TRAM1: variants seen among roughly 807,000 people sequenced by gnomAD.
The protein encoded by TRAM1 is translocation associated membrane protein 1.
Under a neutral mutation model 48.7 loss-of-function variants are expected in TRAM1, and 17 were observed. The observed-to-expected ratio is 0.35, with a 90% CI of 0.24 to 0.52. The LOEUF (loss-of-function observed/expected upper bound fraction) is 0.52, where lower values mean the gene tolerates loss of function less well. TRAM1 is among the 20% of genes least tolerant of loss of function. TRAM1 has a pLI of 0.94. For missense variants in TRAM1, 351 were observed against 441.5 expected (o/e 0.79, Z 1.84); for synonymous variants, 182 against 154.0 (o/e 1.18, Z -1.34).
intron 1 of TRAM1, among the ~76,000 whole-genome samples, chr8:70,604,565 G>A (rs1468954610): frequency 6.6e-6 from 1 of 151,836 alleles, no homozygotes; most frequent in Admixed American, 6.6e-5. Flanking sequence ...GATGATTGGG[G>A]TTTCACGCTT....
chr8:70,581,214 C>T lies in TRAM1; in HGVS notation c.1051+1950G>A, dbSNP rs558271004. Among the ~76,000 whole-genome samples the T allele has an allele frequency of 6.8e-4, 103 of 152,194 alleles. 1 individual carries two copies. The highest frequency in any genetic ancestry group is 1.1e-3 in the Non-Finnish European group (77 of 68,006). On this transcript the variant is annotated intron_variant, in intron 10 of 10. Transcript: ENST00000262213. ...TAGCCTGGGCAACATAGCAAGATCCCGTCACTTAAATAAAAACTCATATGG... is the reference window on the plus strand; with the variant it reads ...TAGCCTGGGCAACATAGCAAGATCCTGTCACTTAAATAAAAACTCATATGG...
intron 1 of TRAM1, among the ~76,000 whole-genome samples, chr8:70,603,733 AAAC>A (rs1817660322): frequency 6.6e-6 from 1 of 152,202 alleles, no homozygotes; most frequent in African/African-American, 2.4e-5. Context: ...AGTCCTTTAC[AAAC>A]AACAAATGAG....
At position 70,608,375 on chromosome 8, in the gene TRAM1, A is replaced by AG; in HGVS notation, c.-177_-176insC. On this transcript the variant is annotated 5_prime_UTR_variant, in exon 1 of 11. Coordinates refer to ENST00000262213, the MANE Select transcript of TRAM1 (RefSeq NM_014294.6). ...CGCAGCCGCCGGGCCGCCCGGGGGA[A>AG]AAAAAAAAACACAACAGCTAGCCCG... 1 of 642,410 alleles carries AG rather than the reference A, an allele frequency of 1.6e-6. No homozygotes were observed. Among genetic ancestry groups the AG allele is most frequent in the Non-Finnish European group, 2.4e-6 (1 of 424,522 alleles). The allele number at this position is 642,410 out of a possible 1,614,324, so 39.8% of individuals were successfully genotyped here. A position where few individuals can be genotyped will look rare whatever the true frequency, so the allele number is the denominator to read the frequency against.
chr8:70,597,858 A>G (rs268626), intron 4 of TRAM1, 37 bp downstream of exon 4: 1,302,163 of 1,428,556 alleles, frequency 0.91, 597,185 homozygotes, highest in Middle Eastern at 0.95. Flanking sequence ...AATCTTAGAT[A>G]AGGAAGGAGA....
chr8:70,599,761 G>C (rs1817565049), intron 2 of TRAM1, among the ~76,000 whole-genome samples: 1 of 152,148 alleles, frequency 6.6e-6, no homozygotes, highest in Non-Finnish European at 1.5e-5. Flanking sequence ...TCAGAAAGCA[G>C]AGAAAGCAAA....
chr8:70,583,249 C>G lies in TRAM1; in HGVS notation c.966G>C (p.Arg322Ser). 1 of 1,614,010 alleles carries G rather than the reference C, an allele frequency of 6.2e-7. No individual in the cohort carries two copies. The highest frequency in any genetic ancestry group is 8.5e-7 in the Non-Finnish European group (1 of 1,180,000). The part of the protein sequence containing the change: ...MWKFINFQLR[R>S]WREHSAFQAP... ...CCTGAAAAGCAGAATGTTCCCTCCA[C>G]CTTCGAAGCTGAAAATTAATGAACT... Residue 322 changes from arginine (R) to serine (S), a missense_variant, in exon 10 of 11, where the codon AGG (arginine) becomes AGC (serine). By Grantham distance (110) the Arg-to-Ser change is moderately radical. Transcript: ENST00000262213.
At chr8:70,575,679 T>A (rs1357232287) in intron 10 of TRAM1, among the ~76,000 whole-genome samples, 2 of 152,130 alleles carry the variant, frequency 1.3e-5, no homozygotes, top group African/African-American at 4.8e-5. Context: ...CAGAAATGGA[T>A]GTTTGAGGCG....
Position 70,608,064 on chromosome 8 carries a change from G to T in TRAM1, c.123+13C>A. ...GTGGCGGGGCAGGCGGTTGGGACTC[G>T]GGGCGGGCTCACCTCAAACATGAGC... On this transcript the variant is annotated intron_variant, in intron 1 of 10. Transcript: ENST00000262213. The T allele has an allele frequency of 1.9e-6, 3 of 1,583,410 alleles. No individual in the cohort carries two copies. Among genetic ancestry groups the T allele is most frequent in the Non-Finnish European group, 2.6e-6 (3 of 1,166,004 alleles).
At chr8:70,607,423 A>G (rs1817763463) in intron 1 of TRAM1, 1 of 985,388 alleles carries the variant, frequency 1.0e-6, no homozygotes, top group Admixed American at 6.1e-5. Context: ...TCAGTTTAAA[A>G]GACAAAAATG....
In TRAM1 at chr8:70,592,314, TTGTC is replaced by T. The variant is rs535242493; in HGVS notation, c.570+2188_570+2191del. Among the ~76,000 whole-genome samples, 604 of 152,318 alleles carry T rather than the reference TTGTC, an allele frequency of 4.0e-3. 4 individuals carry two copies. Among genetic ancestry groups the T allele is most frequent in the African/African-American group, 0.014 (577 of 41,582 alleles). ...CTAACAGCGTTCCTTTCTTTCCTAT[TTGTC>T]TGTATGATTGGTTCAAAACAATCAC... is the stretch of plus-strand genomic sequence containing the variant. On this transcript the variant is annotated intron_variant, in intron 6 of 10. Transcript: ENST00000262213.
rs1816880966 is a variant in TRAM1 at position 70,573,955 on chromosome 8, TTG to T, written c.*975_*976del. On this transcript the variant is annotated 3_prime_UTR_variant, in exon 11 of 11. Transcript: ENST00000262213. ...AGCTATAGGTATAACATAAAGCACA[TTG>T]TCTTTTGTAAGACTATTTATCCACC... 5.2e-6 allele frequency: 1 copy of T among 190,600 alleles called. No homozygotes were observed. The highest frequency in any genetic ancestry group is 1.1e-5 in the Non-Finnish European group (1 of 92,274). The allele number at this position is 190,600 out of a possible 1,614,324, so 11.8% of individuals were successfully genotyped here.
chr8:70,583,661 C>T lies in TRAM1; in HGVS notation c.879G>A (p.Val293=). 4 of 1,611,814 alleles carry T rather than the reference C, an allele frequency of 2.5e-6. No individual in the cohort carries two copies. The highest frequency in any genetic ancestry group is 3.4e-6 in the Non-Finnish European group (4 of 1,179,456). ...KLDFSTGNFN[V]LAVRIAVLAS... is the part of the protein sequence containing the mutation. ...TAAATTGATCGTACCTAACAGCTAACACATTGAAGTTTCCAGTACTGAAAT... is the reference window on the plus strand; with the variant it reads ...TAAATTGATCGTACCTAACAGCTAATACATTGAAGTTTCCAGTACTGAAAT... Residue 293 remains valine (V), a synonymous_variant, in exon 9 of 11, where the codon GTG becomes GTA. Transcript: ENST00000262213.
chr8:70,598,245 A>T lies in TRAM1; in HGVS notation c.198T>A (p.Ala66=). 6.2e-7 allele frequency: 1 copy of T among 1,607,882 alleles called. No homozygotes were observed. Among genetic ancestry groups the T allele is most frequent in the Admixed American group, 1.7e-5 (1 of 58,956 alleles). The part of the protein sequence containing the change: ...NVTLPATEEQ[A]TESVSLYYYG... ...AGTAATAAAGGGACACTGATTCAGT[A>T]GCTTGTTCTTCTGAAGACCAAAAAG... The change falls in exon 3 of 11, where the codon GCT becomes GCA. Residue 66 remains alanine, a synonymous_variant. Transcript: ENST00000262213.
intron 10 of TRAM1, among the ~76,000 whole-genome samples, chr8:70,575,408 CTTTT>C (rs904359303): frequency 6.6e-6 from 1 of 152,012 alleles, no homozygotes; most frequent in Non-Finnish European, 1.5e-5. Context: ...TTATGGCCTT[CTTTT>C]TATTTATTTA....
At position 70,608,113 on chromosome 8, in the gene TRAM1, A is replaced by C. The variant is rs1817791972; in HGVS notation, c.87T>G (p.Cys29Trp). ...VLQNHADIVS[C>W]VAMVFLLGLM... is the part of the protein sequence containing the mutation. Reference sequence around the variant, plus strand: ...GCCCCAGCAGGAAGACCATCGCCACACAGGAGACGATGTCCGCGTGATTCT... The same window carrying C: ...GCCCCAGCAGGAAGACCATCGCCACCCAGGAGACGATGTCCGCGTGATTCT... The change falls in exon 1 of 11, where the codon TGT (cysteine) becomes TGG (tryptophan). Residue 29 changes from cysteine (C) to tryptophan (W), a missense_variant. Cys to Trp is a radical substitution (Grantham distance 215). Transcript: ENST00000262213. 6.3e-7 allele frequency: 1 copy of C among 1,599,590 alleles called. No individual in the cohort carries two copies. The highest frequency in any genetic ancestry group is 8.5e-7 in the Non-Finnish European group (1 of 1,174,038).
In TRAM1 at chr8:70,607,544, G is replaced by C. The variant is rs576263545; in HGVS notation, c.123+533C>G. The C allele has an allele frequency of 2.3e-4, 221 of 957,974 alleles. 1 individual carries two copies. In the South Asian group the frequency reaches 9.5e-3, roughly 41 times the overall value. The allele number at this position is 957,974 out of a possible 1,614,324, so 59.3% of individuals were successfully genotyped here. ...CGCTCACCCCAATCTCGGAGCTACC[G>C]GGGGCTCCCCTGTCACTCGGGGCCT... On this transcript the variant is annotated intron_variant, in intron 1 of 10. Transcript: ENST00000262213.
At chr8:70,598,084 T>C (rs1310219044) in intron 3 of TRAM1, 50 bp downstream of exon 3, 1 of 1,568,634 alleles carries the variant, frequency 6.4e-7, no homozygotes, top group Non-Finnish European at 8.6e-7. Context: ...TAGCAGATTA[T>C]GGAGAGCTAG....
intron 5 of TRAM1, among the ~76,000 whole-genome samples, chr8:70,595,972 T>C (rs1817478002): frequency 6.6e-6 from 1 of 151,902 alleles, no homozygotes; most frequent in South Asian, 2.1e-4. Flanking sequence ...GATGGAGTCA[T>C]AAAAAGGAGA....
intron 4 of TRAM1, among the ~76,000 whole-genome samples, chr8:70,597,074 C>T (rs759548051): frequency 6.6e-6 from 1 of 152,028 alleles, no homozygotes; most frequent in Non-Finnish European, 1.5e-5. Flanking sequence ...TGTTATTCAT[C>T]TCTAATACAG....
Sources: allele counts gnomAD v4.1 joint callset (sites outside exome capture counted in the v4.1 genomes callset), GRCh38; gene constraint gnomAD v4.1.1; transcripts MANE v1.5; gene names NCBI Gene and HGNC (gene_info 2026-07-23, HGNC 2026-07-21).